The following CTAGE1 variants were observed in gnomAD, a reference collection of about 807,000 sequenced individuals.
CTAGE1 encodes cTAGE family member 2.
For missense variants in CTAGE1, 963 were observed against 855.9 expected, an observed-to-expected ratio of 1.13 and a Z score of -1.56; for synonymous variants, 332 against 302.8, an observed-to-expected ratio of 1.10 and a Z score of -1.00.
In CTAGE1 at chr18:22,415,225, G is replaced by T. The variant is rs1436911958; in HGVS notation, c.*349C>A. 4 of 242,078 alleles carry T rather than the reference G, an allele frequency of 1.7e-5. No homozygotes were observed. The East Asian group carries it at 3.5e-4, about 21-fold the overall frequency. The allele number at this position is 242,078 out of a possible 1,614,324, so 15.0% of individuals were successfully genotyped here. A position where few individuals can be genotyped will look rare whatever the true frequency, so the allele number is the denominator to read the frequency against. ...CAATTTAAAGCCTCCCCACCTGCAAGATTACATATATAAAGCTCCCACCAT... is the reference window on the plus strand; with the variant it reads ...CAATTTAAAGCCTCCCCACCTGCAATATTACATATATAAAGCTCCCACCAT... On this transcript the variant is annotated 3_prime_UTR_variant, in exon 1 of 1. Coordinates refer to ENST00000391403, the MANE Select transcript of CTAGE1 (RefSeq NM_172241.3).
In CTAGE1 at chr18:22,416,053, C is replaced by G. The variant is rs757601978; in HGVS notation, c.1759G>C (p.Ala587Pro). ...PPPGQSYPDSALPPQRQDRFY... is the reference protein window; with the variant it reads ...PPPGQSYPDSPLPPQRQDRFY... ...CTGTCTTGCCTTTGTGGAGGGAGAG[C>G]TGAATCAGGATATGATTGTCCTGGT... The change falls in exon 1 of 1, where the codon GCT becomes CCT. Residue 587 changes from alanine (A) to proline (P), a missense_variant. Ala to Pro is a conservative substitution (Grantham distance 27, BLOSUM62 -1). Coordinates refer to ENST00000391403, the MANE Select transcript of CTAGE1 (RefSeq NM_172241.3). 1.2e-6 allele frequency: 2 copies of G among 1,613,960 alleles called. No individual in the cohort carries two copies. The highest frequency in any genetic ancestry group is 2.7e-5 in the African/African-American group (2 of 75,036).
At position 22,417,431 on chromosome 18, in the gene CTAGE1, A is replaced by C; in HGVS notation, c.381T>G (p.Ser127=). 1 of 1,613,972 alleles carries C rather than the reference A, an allele frequency of 6.2e-7. No homozygotes were observed. Among genetic ancestry groups the C allele is most frequent in the South Asian group, 1.1e-5 (1 of 91,074 alleles). ...TCAATTCATTTTGTTCAGAATGTTT[A>C]GATTTCTCTTCTTTTAACTCTTTTT... ...CLEKELKEEK[S]KHSEQNELMA... The change falls in exon 1 of 1, where the codon TCT becomes TCG. Residue 127 remains serine (S), a synonymous_variant. Transcript: ENST00000391403.
rs1178656844 is a variant in CTAGE1 at position 22,414,930 on chromosome 18, A to G, written c.*644T>C. On this transcript the variant is annotated 3_prime_UTR_variant, in exon 1 of 1. Coordinates refer to ENST00000391403, the MANE Select transcript of CTAGE1 (RefSeq NM_172241.3). ...AAACCATTCTTGAGGAAAACAGAGGAAACACGAATACTTTCTGCTATAAAT... is the reference window on the plus strand; with the variant it reads ...AAACCATTCTTGAGGAAAACAGAGGGAACACGAATACTTTCTGCTATAAAT... The G allele has an allele frequency of 3.1e-6, 2 of 638,916 alleles. No homozygotes were observed. Among genetic ancestry groups the G allele is most frequent in the East Asian group, 2.7e-5 (1 of 36,906 alleles). 39.6% of individuals were successfully genotyped at this position (638,916 alleles called of 1,614,324 possible). A position where few individuals can be genotyped will look rare whatever the true frequency, so the allele number is the denominator to read the frequency against.
In CTAGE1 at chr18:22,416,582, T is replaced by C. The variant is rs758241226; in HGVS notation, c.1230A>G (p.Glu410=). ...TYRKRAKDLK[E]FEKTIHFYQK... ...GATAAAAATGAATAGTTTTCTCAAA[T>C]TCTTTAAGATCTTTGGCTCGCTTTC... is the stretch of plus-strand genomic sequence containing the variant. Residue 410 remains glutamate, a synonymous_variant, in exon 1 of 1, where the codon GAA becomes GAG. Transcript: ENST00000391403. 1.2e-6 allele frequency: 2 copies of C among 1,609,878 alleles called. No individual in the cohort carries two copies. The highest frequency in any genetic ancestry group is 8.5e-7 in the Non-Finnish European group (1 of 1,179,174).
In CTAGE1 at chr18:22,417,152, T is replaced by C. The variant is rs1164836355; in HGVS notation, c.660A>G (p.Lys220=). The C allele has an allele frequency of 5.6e-6, 9 of 1,613,960 alleles. No homozygotes were observed. Among genetic ancestry groups the C allele is most frequent in the Non-Finnish European group, 7.6e-6 (9 of 1,179,842 alleles). ...IKQKRTFEDS[K]VHAEQVLNDK... ...CATTTAGAACTTGTTCTGCATGTAC[T>C]TTGGAGTCTTCAAATGTTCTTTTCT... The change falls in exon 1 of 1, where the codon AAA becomes AAG. Residue 220 remains lysine (K), a synonymous_variant. Transcript: ENST00000391403.
chr18:22,414,951 T>C lies in CTAGE1; in HGVS notation c.*623A>G. 1.6e-6 allele frequency: 1 copy of C among 617,576 alleles called. No homozygotes were observed. The highest frequency in any genetic ancestry group is 2.9e-6 in the Non-Finnish European group (1 of 350,264). The allele number at this position is 617,576 out of a possible 1,614,324, so 38.3% of individuals were successfully genotyped here. A position where few individuals can be genotyped will look rare whatever the true frequency, so the allele number is the denominator to read the frequency against. ...GAGGAAACACGAATACTTTCTGCTATAAATGTTTTACACTCTCAAAGTACT... is the reference window on the plus strand; with the variant it reads ...GAGGAAACACGAATACTTTCTGCTACAAATGTTTTACACTCTCAAAGTACT... On this transcript the variant is annotated 3_prime_UTR_variant, in exon 1 of 1. Transcript: ENST00000391403.
In CTAGE1 at chr18:22,414,063, C is replaced by A. The variant is rs2034980508; in HGVS notation, c.*1511G>T. ...ACTTCCATTCTGGGAGTGAGATATGCTACCCAGTTGTGAAAATAATACATG... is the reference window on the plus strand; with the variant it reads ...ACTTCCATTCTGGGAGTGAGATATGATACCCAGTTGTGAAAATAATACATG... On this transcript the variant is annotated 3_prime_UTR_variant, in exon 1 of 1. Transcript: ENST00000391403. 6.6e-6 allele frequency: 1 copy of A among 152,122 alleles called. No homozygotes were observed. Among genetic ancestry groups the A allele is most frequent in the Admixed American group, 6.5e-5 (1 of 15,268 alleles). The allele number at this position is 152,122 out of a possible 1,614,324, so 9.4% of individuals were successfully genotyped here.
Position 22,417,263 on chromosome 18 carries a change from T to A in CTAGE1, c.549A>T (p.Lys183Asn), listed in dbSNP as rs2143794536. Residue 183 changes from lysine to asparagine, a missense_variant, in exon 1 of 1, where the codon AAA (lysine) becomes AAT (asparagine). Coordinates refer to ENST00000391403, the MANE Select transcript of CTAGE1 (RefSeq NM_172241.3). ...GGCTTTCCTGAAGTTCAGAATTTTC[T>A]TTCCAAGCATCTTGTATTTCTATCT... ...RLEIEIQDAW[K>N]ENSELQESQK... 6.2e-7 allele frequency: 1 copy of A among 1,613,982 alleles called. No individual in the cohort carries two copies. Among genetic ancestry groups the A allele is most frequent in the Non-Finnish European group, 8.5e-7 (1 of 1,179,860 alleles).
In CTAGE1 at chr18:22,416,177, T is replaced by C. The variant is rs186213684; in HGVS notation, c.1635A>G (p.Glu545=). The C allele has an allele frequency of 2.5e-6, 4 of 1,613,950 alleles. No homozygotes were observed. The highest frequency in any genetic ancestry group is 1.1e-5 in the South Asian group (1 of 91,072). ...PDHQITKERG[E]SSCDRLTDPH... ...GATCAGTTAACCTATCACAGCTTGATTCTCCTCTTTCTTTGGTAATCTGAT... is the reference window on the plus strand; with the variant it reads ...GATCAGTTAACCTATCACAGCTTGACTCTCCTCTTTCTTTGGTAATCTGAT... The change falls in exon 1 of 1, where the codon GAA becomes GAG. Residue 545 remains glutamate (E), a synonymous_variant. Transcript: ENST00000391403.
chr18:22,415,036 A>C lies in CTAGE1; in HGVS notation c.*538T>G. 1.9e-6 allele frequency: 1 copy of C among 526,404 alleles called. No individual in the cohort carries two copies. The allele number at this position is 526,404 out of a possible 1,614,324, so 32.6% of individuals were successfully genotyped here. A position where few individuals can be genotyped will look rare whatever the true frequency, so the allele number is the denominator to read the frequency against. ...CAAGATCATCTTGGTTTAAAGTGAA[A>C]TATTCTAACAGTTACATAGTATTCT... On this transcript the variant is annotated 3_prime_UTR_variant, in exon 1 of 1. Coordinates refer to ENST00000391403, the MANE Select transcript of CTAGE1 (RefSeq NM_172241.3).
rs749353418 is a variant in CTAGE1, at chr18:22,414,639, A to G, written c.*935T>C. ...CAACTGCAATTAAGCACTATCTTAGATTTACTCCTTCCCCTTGCCACAGCA... is the reference window on the plus strand; with the variant it reads ...CAACTGCAATTAAGCACTATCTTAGGTTTACTCCTTCCCCTTGCCACAGCA... On this transcript the variant is annotated 3_prime_UTR_variant, in exon 1 of 1. Transcript: ENST00000391403. 4.3e-6 allele frequency: 3 copies of G among 701,324 alleles called. No individual in the cohort carries two copies. The African/African-American group carries it at 5.2e-5, about 12-fold the overall frequency. 43.4% of individuals were successfully genotyped at this position (701,324 alleles called of 1,614,324 possible). A position where few individuals can be genotyped will look rare whatever the true frequency, so the allele number is the denominator to read the frequency against.
rs1354839940 is a variant in CTAGE1 at position 22,415,649 on chromosome 18, AT to A, written c.2162del (p.Asn721MetfsTer35). On this transcript the variant is annotated frameshift_variant, in exon 1 of 1. Coordinates refer to ENST00000391403, the MANE Select transcript of CTAGE1 (RefSeq NM_172241.3). LOFTEE classifies it low-confidence loss of function (END_TRUNC). ...GPPRAPFAMR[N>X]VYLPRGFLPY... ...GAAGAAAACCTCTCGGTAAATAGAC[AT>A]TTCTCATTGCAAATGGAGCACGTGG... 6.2e-7 allele frequency: 1 copy of A among 1,614,094 alleles called. No homozygotes were observed.
rs765795727 is a variant in CTAGE1 at position 22,415,919 on chromosome 18, A to G, written c.1893T>C (p.Ser631=). Residue 631 remains serine, a synonymous_variant, in exon 1 of 1, where the codon AGT becomes AGC. Coordinates refer to ENST00000391403, the MANE Select transcript of CTAGE1 (RefSeq NM_172241.3). Reference sequence around the variant, plus strand: ...CAAGATTATCTTTGGTATCATTTCTACTGGATTCCATTTCTGAAGGCATTG... The same window carrying G: ...CAAGATTATCTTTGGTATCATTTCTGCTGGATTCCATTTCTGAAGGCATTG... ...DGSMPSEMES[S]RNDTKDNLGN... 6.2e-7 allele frequency: 1 copy of G among 1,613,834 alleles called. No homozygotes were observed. Among genetic ancestry groups the G allele is most frequent in the Non-Finnish European group, 8.5e-7 (1 of 1,179,874 alleles).
rs553733476 is a variant in CTAGE1, at chr18:22,416,590, G to C, written c.1222C>G (p.Leu408Val). ...LETYRKRAKDLKEFEKTIHFY... is the reference protein window; with the variant it reads ...LETYRKRAKDVKEFEKTIHFY... ...TGAATAGTTTTCTCAAATTCTTTAAGATCTTTGGCTCGCTTTCGGTAGGTC... is the reference window on the plus strand; with the variant it reads ...TGAATAGTTTTCTCAAATTCTTTAACATCTTTGGCTCGCTTTCGGTAGGTC... The change falls in exon 1 of 1, where the codon CTT becomes GTT. Residue 408 changes from leucine to valine, a missense_variant. Leu to Val is a conservative substitution (Grantham distance 32). Transcript: ENST00000391403. 3.7e-6 allele frequency: 6 copies of C among 1,610,332 alleles called. No homozygotes were observed. In the African/African-American group the frequency reaches 6.7e-5, roughly 18 times the overall value.
chr18:22,416,097 T>C lies in CTAGE1; in HGVS notation c.1715A>G (p.Tyr572Cys), dbSNP rs949758132. The change falls in exon 1 of 1, where the codon TAT becomes TGT. Residue 572 changes from tyrosine (Y) to cysteine (C), a missense_variant. Coordinates refer to ENST00000391403, the MANE Select transcript of CTAGE1 (RefSeq NM_172241.3). ...TCCTGGTGGAGGAAACATCATCCTA[T>C]AGTCCTGTTCCCACGGAGGTGCCAG... is the stretch of plus-strand genomic sequence containing the variant. ...GPLAPPWEQD[Y>C]RMMFPPPGQS... The C allele has an allele frequency of 8.1e-6, 13 of 1,613,856 alleles. No homozygotes were observed. Among genetic ancestry groups the C allele is most frequent in the Admixed American group, 3.3e-5 (2 of 60,006 alleles).
rs911352367 is a variant in CTAGE1, at chr18:22,416,030, G to A, written c.1782C>T (p.Asp594=). ...PDSALPPQRQ[D]RFYSNCARLS... ...GTCTAGCACAATTAGAATAAAATCT[G>A]TCTTGCCTTTGTGGAGGGAGAGCTG... The change falls in exon 1 of 1, where the codon GAC becomes GAT. Residue 594 remains aspartate (D), a synonymous_variant. Coordinates refer to ENST00000391403, the MANE Select transcript of CTAGE1 (RefSeq NM_172241.3). The A allele has an allele frequency of 6.2e-7, 1 of 1,613,916 alleles. No homozygotes were observed. The highest frequency in any genetic ancestry group is 1.7e-4 in the Middle Eastern group (1 of 6,036).
chr18:22,417,909 CTG>C lies in CTAGE1; in HGVS notation c.-100_-99del. 8.3e-7 allele frequency: 1 copy of C among 1,210,382 alleles called. No homozygotes were observed. The highest frequency in any genetic ancestry group is 1.2e-6 in the Non-Finnish European group (1 of 836,706). The allele number at this position is 1,210,382 out of a possible 1,614,324, so 75.0% of individuals were successfully genotyped here. On this transcript the variant is annotated 5_prime_UTR_variant, in exon 1 of 1. Coordinates refer to ENST00000391403, the MANE Select transcript of CTAGE1 (RefSeq NM_172241.3). ...CCTAGGCTCCTCCGTAGCGCCAAGGCTGCTCTGGCGGTTGCTGCAGTAACCTC... is the reference window on the plus strand; with the variant it reads ...CCTAGGCTCCTCCGTAGCGCCAAGGCCTCTGGCGGTTGCTGCAGTAACCTC...
Position 22,417,876 on chromosome 18 carries a change from G to C in CTAGE1, c.-65C>G. On this transcript the variant is annotated 5_prime_UTR_variant, in exon 1 of 1. Transcript: ENST00000391403. ...CAGGACCAGCCCCAGGTATGGCTGA[G>C]GGTTAGCCCTAGGCTCCTCCGTAGC... is the stretch of plus-strand genomic sequence containing the variant. 1 of 1,531,462 alleles carries C rather than the reference G, an allele frequency of 6.5e-7. No individual in the cohort carries two copies. The highest frequency in any genetic ancestry group is 9.0e-7 in the Non-Finnish European group (1 of 1,106,496). The allele number at this position is 1,531,462 out of a possible 1,614,324, so 94.9% of individuals were successfully genotyped here.
Position 22,415,632 on chromosome 18 carries a change from C to A in CTAGE1, c.2180G>T (p.Gly727Val). ...TCTTGGGGGACGGTAAGGAAGAAAA[C>A]CTCTCGGTAAATAGACATTTCTCAT... The part of the protein sequence containing the change: ...FAMRNVYLPR[G>V]FLPYRPPRPA... The change falls in exon 1 of 1, where the codon GGT becomes GTT. Residue 727 changes from glycine (G) to valine (V), a missense_variant. Transcript: ENST00000391403. The A allele has an allele frequency of 6.2e-7, 1 of 1,613,992 alleles. No individual in the cohort carries two copies. The highest frequency in any genetic ancestry group is 8.5e-7 in the Non-Finnish European group (1 of 1,179,972).
Sources: gnomAD v4.1 joint callset for allele counts on GRCh38, gnomAD v4.1.1 for gene constraint, MANE v1.5 for transcripts, NCBI Gene and HGNC (gene_info 2026-07-23, HGNC 2026-07-21) for gene names.